The following CCDC141 variants were observed in gnomAD, a reference collection of about 807,000 sequenced individuals.
The protein encoded by CCDC141 is coiled-coil domain containing 141.
In CCDC141, 168 loss-of-function variants were observed where a neutral mutation model predicts 181.0. The observed-to-expected ratio is 0.93, with a 90% CI of 0.82 to 1.05. CCDC141 has a LOEUF of 1.05. Ranked by LOEUF, CCDC141 falls within the 50% of genes least tolerant of loss-of-function variation. The pLI, the probability that CCDC141 is intolerant of heterozygous loss-of-function variation, is 0.00. For synonymous variants in CCDC141, 666 were observed against 642.3 expected, an observed-to-expected ratio of 1.04 and a Z score of -0.56; for missense variants, 1,902 against 1,788.5, an observed-to-expected ratio of 1.06 and a Z score of -1.14.
At chr2:178,984,372 T>C (rs1287353529) in intron 2 of CCDC141, among the ~76,000 whole-genome samples, 1 of 151,418 alleles carries the variant, frequency 6.6e-6, no homozygotes, top group Non-Finnish European at 1.5e-5. Context: ...TGCCAAAATG[T>C]AACGACCATC....
intron 2 of CCDC141, among the ~76,000 whole-genome samples, chr2:178,985,852 G>A (rs1396484095): frequency 6.6e-6 from 1 of 152,258 alleles, no homozygotes; most frequent in Non-Finnish European, 1.5e-5. Flanking sequence ...AAGAGTCCAG[G>A]ACCAGATGGA....
intron 2 of CCDC141, among the ~76,000 whole-genome samples, chr2:178,991,961 TC>T (rs1418361865): frequency 6.6e-6 from 1 of 152,008 alleles, no homozygotes; most frequent in African/African-American, 2.4e-5. Flanking sequence ...ACCAAAATTG[TC>T]CCAAGAAAAT....
chr2:178,984,376 G>A (rs1045894356), intron 2 of CCDC141, among the ~76,000 whole-genome samples: 29 of 151,540 alleles, frequency 1.9e-4, no homozygotes, highest in African/African-American at 5.6e-4. Flanking sequence ...AAAATGTAAC[G>A]ACCATCGAGA....
chr2:179,020,248 T>C lies in CCDC141; in HGVS notation c.225+27036A>G, dbSNP rs2042656809. 2.6e-5 allele frequency among the ~76,000 whole-genome samples: 4 copies of C among 152,212 alleles called. No homozygotes were observed. The South Asian group carries it at 6.3e-4, about 24-fold the overall frequency. Reference sequence around the variant, plus strand: ...TTAGGGTTAAAATCCAAAAGCATAATTTTACCTAAATATTTTCCTACTCTT... The same window carrying C: ...TTAGGGTTAAAATCCAAAAGCATAACTTTACCTAAATATTTTCCTACTCTT... On this transcript the variant is annotated intron_variant, in intron 2 of 23. Coordinates refer to ENST00000443758, the MANE Select transcript of CCDC141 (RefSeq NM_173648.4).
At chr2:178,902,828 A>C (rs201502828) in intron 8 of CCDC141, among the ~76,000 whole-genome samples, 1,456 of 142,814 alleles carry the variant, frequency 0.01, 25 homozygotes, top group South Asian at 0.048. Flanking sequence ...CAACCTACAA[A>C]ATGGGAGAAA....
chr2:178,997,125 C>T (rs1575323793), intron 2 of CCDC141, among the ~76,000 whole-genome samples: 1 of 152,248 alleles, frequency 6.6e-6, no homozygotes, highest in East Asian at 1.9e-4. Context: ...AACCCAAAGG[C>T]AGAATGTACC....
intron 7 of CCDC141, among the ~76,000 whole-genome samples, chr2:178,914,824 AT>A (rs1688371408): frequency 6.6e-6 from 1 of 152,170 alleles, no homozygotes; most frequent in Non-Finnish European, 1.5e-5. Context: ...AAAATAAATT[AT>A]TGTAAAATAT....
chr2:178,864,476 G>A (rs748943894), intron 17 of CCDC141, among the ~76,000 whole-genome samples: 2 of 152,154 alleles, frequency 1.3e-5, no homozygotes, highest in Admixed American at 6.5e-5. Flanking sequence ...CCGAAGAGTC[G>A]ACGCCTCTCT....
rs1384508162 is a variant in CCDC141, at chr2:178,902,970, A to G, written c.1265+2359T>C. ...AGGACATGAACAGACACTTCTCAAA[A>G]GAAGACATTTATGCAGCCAAAAAAC... On this transcript the variant is annotated intron_variant, in intron 8 of 23. Coordinates refer to ENST00000443758, the MANE Select transcript of CCDC141 (RefSeq NM_173648.4). 1.0e-4 allele frequency among the ~76,000 whole-genome samples: 15 copies of G among 149,182 alleles called. No individual in the cohort carries two copies. In the South Asian group the frequency reaches 3.3e-3, roughly 33 times the overall value.
intron 15 of CCDC141, among the ~76,000 whole-genome samples, chr2:178,868,428 T>C (rs999122034): frequency 3.9e-5 from 6 of 152,100 alleles, no homozygotes; most frequent in Admixed American, 1.3e-4. Context: ...AACAGTCTTT[T>C]TGGTCATGAC....
intron 11 of CCDC141, among the ~76,000 whole-genome samples, chr2:178,881,090 A>G (rs1384192288): frequency 6.6e-6 from 1 of 152,230 alleles, no homozygotes; most frequent in Non-Finnish European, 1.5e-5. Flanking sequence ...GGGCACAGGC[A>G]AGAATTCTAT....
At chr2:179,001,400 C>G (rs2041971931) in intron 2 of CCDC141, among the ~76,000 whole-genome samples, 1 of 152,102 alleles carries the variant, frequency 6.6e-6, no homozygotes. Flanking sequence ...GCAACCAACA[C>G]CAGAGATAAT....
At chr2:178,824,003 T>C in the CCDC141 span, among the ~76,000 whole-genome samples, 1 of 151,814 alleles carries the variant, frequency 6.6e-6, no homozygotes, top group Non-Finnish European at 1.5e-5. Flanking sequence ...GATCACATCA[T>C]ATATCACCTG....
chr2:178,837,688 T>C lies in CCDC141; in HGVS notation c.3531A>G (p.Leu1177=). 6.2e-7 allele frequency: 1 copy of C among 1,613,986 alleles called. No homozygotes were observed. Among genetic ancestry groups the C allele is most frequent in the Non-Finnish European group, 8.5e-7 (1 of 1,179,908 alleles). The change falls in exon 23 of 24, where the codon CTA becomes CTG. Residue 1177 remains leucine, a synonymous_variant. Transcript: ENST00000443758. The part of the protein sequence containing the change: ...LGINGTGEER[L]PQDLKVSTDK... ...CAGTGGACACCTTCAGGTCTTGTGG[T>C]AGTCGCTCTTCCCCTGTTCCATTGA...
intron 2 of CCDC141, among the ~76,000 whole-genome samples, chr2:179,024,683 AAC>A (rs2154386111): frequency 6.6e-6 from 1 of 152,220 alleles, no homozygotes; most frequent in South Asian, 2.1e-4. Context: ...AGCTTCCTCA[AAC>A]ACACTGCTGT....
At chr2:179,018,761 A>T (rs559701447) in intron 2 of CCDC141, among the ~76,000 whole-genome samples, 2 of 152,116 alleles carry the variant, frequency 1.3e-5, no homozygotes, top group Non-Finnish European at 2.9e-5. Flanking sequence ...AATTCTGTAG[A>T]TTACAAACTA....
At chr2:179,001,421 G>C (rs1463872224) in intron 2 of CCDC141, among the ~76,000 whole-genome samples, 1 of 152,132 alleles carries the variant, frequency 6.6e-6, no homozygotes, top group Non-Finnish European at 1.5e-5. Flanking sequence ...CTATGCCAAT[G>C]AACTGTGGAG....
the CCDC141 span, among the ~76,000 whole-genome samples, chr2:178,818,859 C>G: frequency 1.3e-5 from 2 of 152,166 alleles, no homozygotes; most frequent in Non-Finnish European, 2.9e-5. Context: ...ACCACACTGT[C>G]TTCCACAATT....
intron 6 of CCDC141, chr2:178,926,730 A>G (rs1688921187): frequency 6.6e-6 from 1 of 152,244 alleles, no homozygotes; most frequent in Non-Finnish European, 1.5e-5. Context: ...CTAATGTTCT[A>G]TAACACTGTA....
Sources: allele counts gnomAD v4.1 joint callset (sites outside exome capture counted in the v4.1 genomes callset), GRCh38; gene constraint gnomAD v4.1.1; transcripts MANE v1.5; gene names NCBI Gene and HGNC (gene_info 2026-07-23, HGNC 2026-07-21).